Variants in EIF3M observed in about 807,000 individuals in gnomAD.
The protein encoded by EIF3M is eukaryotic translation initiation factor 3 subunit M, also known as B5 receptor.
In EIF3M, 25 loss-of-function variants were observed where a neutral mutation model predicts 49.7. The ratio of observed to expected loss-of-function variants is 0.50; its 90% CI spans 0.37 to 0.70. The LOEUF is 0.70. Among genes scored for constraint, EIF3M ranks in the 30% least tolerant of loss-of-function variants. The probability of loss-of-function intolerance (pLI) is 0.00; values close to 1 mark genes in which losing one functional copy is unlikely to be tolerated. For synonymous variants in EIF3M, 156 were observed against 149.8 expected (o/e 1.04, Z -0.30); for missense variants, 350 against 440.0 (o/e 0.80, Z 1.83).
Position 32,604,881 on chromosome 11 carries a change from CTT to C in EIF3M, c.*2483_*2484del, listed in dbSNP as rs1384295324. The C allele has an allele frequency of 6.6e-6, 1 of 151,998 alleles. No homozygotes were observed. Among genetic ancestry groups the C allele is most frequent in the African/African-American group, 2.4e-5 (1 of 41,382 alleles). 9.4% of individuals were successfully genotyped at this position (151,998 alleles called of 1,614,324 possible). On this transcript the variant is annotated 3_prime_UTR_variant, in exon 11 of 11. Coordinates refer to ENST00000531120, the MANE Select transcript of EIF3M (RefSeq NM_006360.6). ...TTTTATTTTATTTTTGAGACAGAGT[CTT>C]GCACTGTCGCCCAGGCTGGAGTGCA...
rs746094547 is a variant in EIF3M, at chr11:32,583,848, G to A, written c.-40G>A. The A allele has an allele frequency of 1.9e-6, 3 of 1,607,278 alleles. No homozygotes were observed. The African/African-American group carries it at 4.0e-5, about 21-fold the overall frequency. Reference sequence around the variant, plus strand: ...CCAGTTCCCTTTTCCGGTCGGCGTGGTCTTGCGAGTGGAGTGTCCGCTGTG... The same window carrying A: ...CCAGTTCCCTTTTCCGGTCGGCGTGATCTTGCGAGTGGAGTGTCCGCTGTG... On this transcript the variant is annotated 5_prime_UTR_variant, in exon 1 of 11. Coordinates refer to ENST00000531120, the MANE Select transcript of EIF3M (RefSeq NM_006360.6).
chr11:32,589,054 A>G lies in EIF3M; in HGVS notation c.357A>G (p.Val119=). 1 of 1,614,266 alleles carries G rather than the reference A, an allele frequency of 6.2e-7. No individual in the cohort carries two copies. Among genetic ancestry groups the G allele is most frequent in the East Asian group, 2.2e-5 (1 of 44,888 alleles). The change falls in exon 4 of 11, where the codon GTA becomes GTG. Residue 119 remains valine (V), a synonymous_variant. Transcript: ENST00000531120. ...ACGGGATGGATAAGAATACTCCTGT[A>G]AGATACACAGTGTATTGCAGCCTTA... is the stretch of plus-strand genomic sequence containing the variant. ...LFHGMDKNTP[V]RYTVYCSLIK...
At position 32,588,849 on chromosome 11, in the gene EIF3M, C is replaced by CTG. The variant is rs1855047249; in HGVS notation, c.314+120_314+121dup. The stretch of plus-strand genomic sequence containing the variant: ...GACTCTCAGCTGTGGCTCATATTAG[C>CTG]TGTGACCTTGGGCAAGTGGCTTGAC... On this transcript the variant is annotated intron_variant, in intron 3 of 10. Coordinates refer to ENST00000531120, the MANE Select transcript of EIF3M (RefSeq NM_006360.6). 15 of 1,552,694 alleles carry CTG rather than the reference C, an allele frequency of 9.7e-6. No individual in the cohort carries two copies. In the South Asian group the frequency reaches 1.9e-4, roughly 19 times the overall value.
At chr11:32,591,001 C>T (rs940710011) in intron 5 of EIF3M, among the ~76,000 whole-genome samples, 2 of 152,092 alleles carry the variant, frequency 1.3e-5, no homozygotes, top group Non-Finnish European at 2.9e-5. Flanking sequence ...CAGTTGCCGC[C>T]GCCACGCCCG....
At position 32,587,168 on chromosome 11, in the gene EIF3M, T is replaced by A. The variant is rs145830653; in HGVS notation, c.175+24T>A. The stretch of plus-strand genomic sequence containing the variant: ...AGGTTTGTTTTTAATTTTTTTCTAA[T>A]ATTTCCTAATAAAATCTTTTAAATT... On this transcript the variant is annotated intron_variant, in intron 2 of 10. Coordinates refer to ENST00000531120, the MANE Select transcript of EIF3M (RefSeq NM_006360.6). 1.3e-3 allele frequency: 1,974 copies of A among 1,539,370 alleles called. 17 individuals carry two copies. The African/African-American group carries it at 0.023, about 18-fold the overall frequency.
intron 8 of EIF3M, among the ~76,000 whole-genome samples, chr11:32,596,373 C>T (rs936994722): frequency 2.6e-5 from 4 of 151,742 alleles, no homozygotes; most frequent in African/African-American, 4.8e-5. Context: ...GGGCGGATCA[C>T]GAGGTCAGGA....
At chr11:32,586,551 C>T (rs149153821) in intron 1 of EIF3M, among the ~76,000 whole-genome samples, 22 of 152,270 alleles carry the variant, frequency 1.4e-4, no homozygotes, top group African/African-American at 5.1e-4. Context: ...AATGATTACC[C>T]TTTTGCCAAG....
At chr11:32,600,636 C>T (rs1855246244) in intron 8 of EIF3M, 53 bp from the exon 9 acceptor site, 3 of 1,460,100 alleles carry the variant, frequency 2.1e-6, no homozygotes, top group Admixed American at 2.5e-5. Flanking sequence ...TGTAATTGTG[C>T]AGGTCTTTAA....
intron 1 of EIF3M, 64 bp from the exon 2 acceptor site, chr11:32,586,948 G>T (rs1193183830): frequency 6.8e-7 from 1 of 1,476,174 alleles, no homozygotes; most frequent in Non-Finnish European, 9.0e-7. Flanking sequence ...TCAGAAAGAG[G>T]ACAGAATTTG....
chr11:32,585,719 A>G (rs1278060228), intron 1 of EIF3M, among the ~76,000 whole-genome samples: 1 of 151,968 alleles, frequency 6.6e-6, no homozygotes, highest in Non-Finnish European at 1.5e-5. Flanking sequence ...TATAATACCA[A>G]CTCTTCTATG....
In EIF3M at chr11:32,596,048, G is replaced by T; in HGVS notation, c.799+1G>T. On this transcript the variant is annotated splice_donor_variant, in intron 8 of 10. Coordinates refer to ENST00000531120, the MANE Select transcript of EIF3M (RefSeq NM_006360.6). LOFTEE classifies it high-confidence loss of function. ...AATAAAGACTTCATTGATTCACTTG[G>T]TAAGTTTTGGGGTTTATTCTTTGAG... 1 of 1,549,946 alleles carries T rather than the reference G, an allele frequency of 6.5e-7. No individual in the cohort carries two copies. Among genetic ancestry groups the T allele is most frequent in the South Asian group, 1.2e-5 (1 of 81,206 alleles).
chr11:32,586,945 GA>G, intron 1 of EIF3M, 66 bp from the exon 2 acceptor site: 1 of 1,479,922 alleles, frequency 6.8e-7, no homozygotes, highest in Non-Finnish European at 9.0e-7. Flanking sequence ...TTTTCAGAAA[GA>G]GGACAGAATT....
intron 3 of EIF3M, 49 bp downstream of exon 3, chr11:32,588,781 T>G (rs772565763): frequency 1.4e-5 from 23 of 1,609,964 alleles, no homozygotes; most frequent in Non-Finnish European, 1.9e-5. Context: ...GCTTTTTTCA[T>G]GTTACTAACT....
intron 5 of EIF3M, among the ~76,000 whole-genome samples, chr11:32,590,523 G>T (rs1302209583): frequency 6.6e-6 from 1 of 152,162 alleles, no homozygotes; most frequent in African/African-American, 2.4e-5. Context: ...TTAGTTGAAA[G>T]TAAGGTTGTA....
chr11:32,599,430 C>T (rs1337812717), intron 8 of EIF3M, among the ~76,000 whole-genome samples: 2 of 151,942 alleles, frequency 1.3e-5, no homozygotes, highest in Non-Finnish European at 2.9e-5. Flanking sequence ...ATAATTACAG[C>T]TAATTAACAG....
At chr11:32,588,554 T>C (rs776128887) in intron 2 of EIF3M, 40 bp from the exon 3 acceptor site, 3 of 1,603,238 alleles carry the variant, frequency 1.9e-6, no homozygotes, top group Non-Finnish European at 2.6e-6. Context: ...CATTGAGTAT[T>C]GTAGTATCAC....
At chr11:32,600,056 C>T (rs1359780872) in intron 8 of EIF3M, among the ~76,000 whole-genome samples, 1 of 151,786 alleles carries the variant, frequency 6.6e-6, no homozygotes, top group Non-Finnish European at 1.5e-5. Context: ...TAATGGTATT[C>T]TTTAATTATA....
rs1051271753 is a variant in EIF3M at position 32,587,047 on chromosome 11, A to G, written c.78A>G (p.Gly26=). 4 of 1,612,656 alleles carry G rather than the reference A, an allele frequency of 2.5e-6. No homozygotes were observed. Among genetic ancestry groups the G allele is most frequent in the Non-Finnish European group, 3.4e-6 (4 of 1,178,916 alleles). Residue 26 remains glycine (G), a synonymous_variant, in exon 2 of 11, where the codon GGA becomes GGG. Transcript: ENST00000531120. ...AELRAYLKSK[G]AEISEENSEG... ...TTCGTGCTTATCTGAAATCTAAAGG[A>G]GCTGAGATTTCAGAAGAGAACTCGG...
chr11:32,585,529 C>T (rs1180742381), intron 1 of EIF3M, among the ~76,000 whole-genome samples: 2 of 152,184 alleles, frequency 1.3e-5, no homozygotes, highest in East Asian at 3.8e-4. Flanking sequence ...GCTTATGCTG[C>T]TTCCACAACC....
Sources: allele counts gnomAD v4.1 joint callset (sites outside exome capture counted in the v4.1 genomes callset), GRCh38; gene constraint gnomAD v4.1.1; transcripts MANE v1.5; gene names NCBI Gene and HGNC (gene_info 2026-07-23, HGNC 2026-07-21).